BANK1: variants seen among roughly 807,000 people sequenced by gnomAD.
BANK1 encodes B cell scaffold protein with ankyrin repeats 1, also known as B-cell scaffold protein with ankyrin repeats.
In BANK1, 95 loss-of-function variants were observed where a neutral mutation model predicts 94.5. That is an observed-to-expected ratio of 1.00 (90% CI 0.85 to 1.19). BANK1 has a LOEUF of 1.19. BANK1 is among the 50% of genes most tolerant of loss of function. The pLI, the probability that BANK1 is intolerant of heterozygous loss-of-function variation, is 0.00. For missense variants in BANK1, 987 were observed against 932.2 expected (o/e 1.06, Z -0.77); for synonymous variants, 334 against 308.4 (o/e 1.08, Z -0.87).
chr4:101,853,355 T>A (rs1727563213), intron 2 of BANK1, among the ~76,000 whole-genome samples: 1 of 152,228 alleles, frequency 6.6e-6, no homozygotes, highest in African/African-American at 2.4e-5. Context: ...CTTCTCTTTT[T>A]TTTGGATACA....
intron 7 of BANK1, among the ~76,000 whole-genome samples, chr4:101,997,587 C>T (rs934356534): frequency 6.6e-6 from 1 of 152,032 alleles, no homozygotes; most frequent in Non-Finnish European, 1.5e-5. Flanking sequence ...TAATTACTGC[C>T]TCAATTTCAG....
intron 10 of BANK1, 74 bp downstream of exon 10, chr4:102,030,339 G>A: frequency 3.6e-6 from 5 of 1,407,794 alleles, no homozygotes; most frequent in Non-Finnish European, 4.8e-6. Flanking sequence ...GAGGGGATAA[G>A]GTGATGCAAT....
Position 101,894,623 on chromosome 4 carries a change from A to G in BANK1, c.904-682A>G, listed in dbSNP as rs577746841. Among the ~76,000 whole-genome samples the G allele has an allele frequency of 1.6e-4, 25 of 152,082 alleles. No homozygotes were observed. The South Asian group carries it at 5.0e-3, about 30-fold the overall frequency. On this transcript the variant is annotated intron_variant, in intron 5 of 16. Coordinates refer to ENST00000322953, the MANE Select transcript of BANK1 (RefSeq NM_017935.5). The stretch of plus-strand genomic sequence containing the variant: ...TTGATTGGCCCACCTCCTTAGCTAT[A>G]ATCACCTGTGTCTTGAGCAATTTCG...
intron 5 of BANK1, among the ~76,000 whole-genome samples, chr4:101,892,618 T>C (rs1006600576): frequency 4.0e-5 from 6 of 151,862 alleles, no homozygotes; most frequent in Non-Finnish European, 7.4e-5. Flanking sequence ...TTTTGTTCTA[T>C]TCTTAATTTC....
intron 1 of BANK1, among the ~76,000 whole-genome samples, chr4:101,799,238 T>C (rs1305619138): frequency 6.6e-6 from 1 of 152,220 alleles, no homozygotes; most frequent in Non-Finnish European, 1.5e-5. Context: ...CCATTTCTTG[T>C]TTTTGTCAGG....
intron 2 of BANK1, among the ~76,000 whole-genome samples, chr4:101,841,732 G>A (rs1006308922): frequency 6.7e-6 from 1 of 149,948 alleles, no homozygotes; most frequent in Non-Finnish European, 1.5e-5. Flanking sequence ...CCACTAACTC[G>A]TCATCTAGCA....
chr4:101,849,628 A>C (rs912250821), intron 2 of BANK1, among the ~76,000 whole-genome samples: 1 of 152,166 alleles, frequency 6.6e-6, no homozygotes, highest in African/African-American at 2.4e-5. Flanking sequence ...ATATAAAAAA[A>C]TTTATGTGTG....
Position 101,833,529 on chromosome 4 carries a change from A to C in BANK1, c.469+3323A>C, listed in dbSNP as rs964683734. Among the ~76,000 whole-genome samples the C allele has an allele frequency of 5.3e-5, 8 of 152,144 alleles. 1 individual carries two copies. The highest frequency in any genetic ancestry group is 1.9e-4 in the African/African-American group (8 of 41,424). ...CTGCTTCCATAGATGCTTCTCCCTC[A>C]AATTGTTGCCTCATATCTACAAGGT... On this transcript the variant is annotated intron_variant, in intron 2 of 16. Transcript: ENST00000322953.
At position 101,862,594 on chromosome 4, in the gene BANK1, A is replaced by G. The variant is rs776377837; in HGVS notation, c.693A>G (p.Thr231=). The change falls in exon 4 of 17, where the codon ACA becomes ACG. Residue 231 remains threonine, a synonymous_variant. Coordinates refer to ENST00000322953, the MANE Select transcript of BANK1 (RefSeq NM_017935.5). ...GTGATACTGTAGAGGTTGAATTTAC[A>G]TCAAGTAATAAGCGCATTAGAACAC... ...VIGDTVEVEF[T]SSNKRIRTRP... is the part of the protein sequence containing the mutation. The G allele has an allele frequency of 1.7e-5, 28 of 1,611,702 alleles. No individual in the cohort carries two copies. In the East Asian group the frequency reaches 5.8e-4, roughly 33 times the overall value.
chr4:102,052,349 C>T (rs1728081473), intron 11 of BANK1, among the ~76,000 whole-genome samples: 1 of 152,032 alleles, frequency 6.6e-6, no homozygotes, highest in African/African-American at 2.4e-5. Flanking sequence ...ATCTCTTGAC[C>T]TCATGATCCA....
chr4:101,829,306 T>C (rs1271992138), intron 1 of BANK1, among the ~76,000 whole-genome samples: 1 of 152,162 alleles, frequency 6.6e-6, no homozygotes, highest in Non-Finnish European at 1.5e-5. Context: ...TGTATATTAT[T>C]CTCTTCTACG....
At chr4:101,869,924 C>T (rs577049705) in intron 4 of BANK1, among the ~76,000 whole-genome samples, 283 of 152,012 alleles carry the variant, frequency 1.9e-3, no homozygotes, top group African/African-American at 6.3e-3. Context: ...GTGTATCATT[C>T]ATTTTGAACA....
chr4:101,813,759 G>T (rs972311207), intron 1 of BANK1: 2 of 433,924 alleles, frequency 4.6e-6, no homozygotes, highest in Non-Finnish European at 6.1e-6. Context: ...AACATAGGCC[G>T]CAGGAGGCCT....
intron 6 of BANK1, among the ~76,000 whole-genome samples, chr4:101,907,033 T>A (rs1455824322): frequency 6.6e-6 from 1 of 152,224 alleles, no homozygotes; most frequent in Non-Finnish European, 1.5e-5. Context: ...GTCATTAGCA[T>A]TGTTTCCATA....
chr4:102,062,433 G>C (rs943456144), intron 12 of BANK1: 4 of 152,206 alleles, frequency 2.6e-5, no homozygotes, highest in Non-Finnish European at 5.9e-5. Flanking sequence ...AGGTTTCCAG[G>C]AAAATCCTGA....
At chr4:101,851,474 G>A (rs906324460) in intron 2 of BANK1, among the ~76,000 whole-genome samples, 4 of 152,192 alleles carry the variant, frequency 2.6e-5, no homozygotes, top group Non-Finnish European at 4.4e-5. Flanking sequence ...TGTCAAGTTC[G>A]ACTAAGGTGT....
At chr4:101,959,201 G>A (rs1057366926) in intron 7 of BANK1, among the ~76,000 whole-genome samples, 6 of 151,768 alleles carry the variant, frequency 4.0e-5, no homozygotes, top group Admixed American at 6.6e-5. Context: ...GTGCAATGGC[G>A]CAATTTCAGC....
chr4:101,835,080 C>T (rs1295093350), intron 2 of BANK1, among the ~76,000 whole-genome samples: 3 of 152,096 alleles, frequency 2.0e-5, no homozygotes, highest in South Asian at 2.1e-4. Context: ...GTTTTATAAT[C>T]GTTTGTATGA....
At chr4:102,007,112 A>AAT (rs1273362593) in intron 7 of BANK1, among the ~76,000 whole-genome samples, 1 of 50,748 alleles carries the variant, frequency 2.0e-5, no homozygotes, top group African/African-American at 6.7e-5. Context: ...TATATATATA[A>AAT]ATATATATTT....
Sources: gnomAD v4.1 joint callset for allele counts (sites outside exome capture counted in the v4.1 genomes callset) on GRCh38, gnomAD v4.1.1 for gene constraint, MANE v1.5 for transcripts, NCBI Gene and HGNC (gene_info 2026-07-23, HGNC 2026-07-21) for gene names.